Variants in RAP1GAP2 observed in about 807,000 individuals in gnomAD.
RAP1GAP2 encodes the protein rap1 GTPase-activating protein 2.
A neutral mutation model predicts 95.0 loss-of-function variants in RAP1GAP2; 27 were observed. That is an observed-to-expected ratio of 0.28 (90% CI 0.21 to 0.39). The LOEUF (loss-of-function observed/expected upper bound fraction) is 0.39. RAP1GAP2 is among the 10% of genes least tolerant of loss of function. The pLI is 1.00. For missense variants in RAP1GAP2, 771 were observed against 970.0 expected, an observed-to-expected ratio of 0.79 and a Z score of 2.72; for synonymous variants, 373 against 380.9, an observed-to-expected ratio of 0.98 and a Z score of 0.24.
chr17:2,907,541 A>G (rs1414817634), intron 3 of RAP1GAP2, among the ~76,000 whole-genome samples: 1 of 151,978 alleles, frequency 6.6e-6, no homozygotes, highest in Non-Finnish European at 1.5e-5. Flanking sequence ...AGCATAGCTC[A>G]GGGGGAACGT....
At chr17:2,768,664 G>A (rs2068322627) in intron 1 of RAP1GAP2, among the ~76,000 whole-genome samples, 1 of 145,526 alleles carries the variant, frequency 6.9e-6, no homozygotes, top group Non-Finnish European at 1.5e-5. Context: ...TGCACTCTAG[G>A]CTGGGCAACA....
chr17:2,789,288 T>C (rs1441363899), intron 1 of RAP1GAP2, among the ~76,000 whole-genome samples: 1 of 152,152 alleles, frequency 6.6e-6, no homozygotes, highest in Admixed American at 6.5e-5. Context: ...GCTCAGGTGA[T>C]CCACCCGCCT....
At chr17:2,762,021 C>T (rs565286183) in intron 1 of RAP1GAP2, among the ~76,000 whole-genome samples, 37 of 110,522 alleles carry the variant, frequency 3.3e-4, no homozygotes, top group Non-Finnish European at 4.2e-4. Context: ...CGGAGTCTTG[C>T]TCTGTTGCCC....
chr17:3,007,901 C>A (rs1042966587), intron 16 of RAP1GAP2, 110 bp from the exon 17 acceptor site: 1 of 1,334,038 alleles, frequency 7.5e-7, no homozygotes, highest in Non-Finnish European at 1.0e-6. Context: ...GTTGCTGGGC[C>A]GGGCTGGGCA....
At chr17:2,922,398 T>C (rs1376042352) in intron 3 of RAP1GAP2, among the ~76,000 whole-genome samples, 1 of 152,136 alleles carries the variant, frequency 6.6e-6, no homozygotes, top group Non-Finnish European at 1.5e-5. Flanking sequence ...CCGAATAAGG[T>C]TACACACTCA....
intron 1 of RAP1GAP2, among the ~76,000 whole-genome samples, chr17:2,769,203 G>T (rs535722348): frequency 2.4e-5 from 3 of 126,180 alleles, no homozygotes; most frequent in Admixed American, 9.9e-5. Flanking sequence ...CTGCACTCTA[G>T]CCTGGATGAG....
chr17:2,819,795 C>A (rs1484093645), intron 2 of RAP1GAP2, among the ~76,000 whole-genome samples: 1 of 138,218 alleles, frequency 7.2e-6, no homozygotes, highest in East Asian at 2.1e-4. Context: ...TCTCTTTCTC[C>A]TTTTTTTTTT....
intron 1 of RAP1GAP2, among the ~76,000 whole-genome samples, chr17:2,784,615 C>T (rs1009847237): frequency 6.6e-6 from 1 of 152,210 alleles, no homozygotes; most frequent in African/African-American, 2.4e-5. Flanking sequence ...GCTCACTGAT[C>T]CCCTGGCCAC....
chr17:2,923,581 G>T (rs1251610835), intron 3 of RAP1GAP2, among the ~76,000 whole-genome samples: 1 of 151,850 alleles, frequency 6.6e-6, no homozygotes, highest in Non-Finnish European at 1.5e-5. Context: ...TGATCCACCT[G>T]CCTCAGCCTC....
At chr17:2,936,422 A>G (rs1160970880) in intron 3 of RAP1GAP2, among the ~76,000 whole-genome samples, 1 of 151,476 alleles carries the variant, frequency 6.6e-6, no homozygotes, top group Non-Finnish European at 1.5e-5. Context: ...TCCGCCAGCC[A>G]GATTCTCCTT....
intron 3 of RAP1GAP2, among the ~76,000 whole-genome samples, chr17:2,918,899 A>G (rs950041813): frequency 3.3e-5 from 5 of 152,200 alleles, no homozygotes; most frequent in African/African-American, 7.2e-5. Context: ...AAACAGAGGT[A>G]TGCAGTAAGT....
chr17:2,798,987 C>T (rs1489853781), intron 1 of RAP1GAP2, among the ~76,000 whole-genome samples: 2 of 152,242 alleles, frequency 1.3e-5, no homozygotes, highest in Non-Finnish European at 2.9e-5. Context: ...GGGACACTTC[C>T]TCTCTCTGGG....
At chr17:2,972,598 C>CA (rs35539479) in intron 8 of RAP1GAP2, among the ~76,000 whole-genome samples, 47,588 of 85,666 alleles carry the variant, frequency 0.56, 13,986 homozygotes, top group Non-Finnish European at 0.66. Flanking sequence ...AAGTCCTTCT[C>CA]AAAAAAAAAA....
upstream of RAP1GAP2, among the ~76,000 whole-genome samples, chr17:2,794,499 A>AC (rs757977755): frequency 6.6e-5 from 10 of 152,042 alleles, no homozygotes; most frequent in Admixed American, 3.9e-4. Context: ...GCCTGAAGCC[A>AC]CCCCAGAGCA....
upstream of RAP1GAP2, among the ~76,000 whole-genome samples, chr17:2,794,123 C>T (rs1435749797): frequency 6.6e-6 from 1 of 151,954 alleles, no homozygotes; most frequent in African/African-American, 2.4e-5. Flanking sequence ...GATCTTTCTC[C>T]TCTTTCCCTT....
chr17:2,905,656 G>A (rs1203579675), intron 3 of RAP1GAP2, among the ~76,000 whole-genome samples: 1 of 152,202 alleles, frequency 6.6e-6, no homozygotes, highest in African/African-American at 2.4e-5. Flanking sequence ...CCAGCCAGGA[G>A]GAAGCCGGGG....
At chr17:3,026,606 C>T (rs1342735024) in intron 21 of RAP1GAP2, 142 bp downstream of exon 21, 16 of 797,082 alleles carry the variant, frequency 2.0e-5, no homozygotes, top group South Asian at 5.5e-5. Flanking sequence ...GAGGTGGGCT[C>T]GTTGGCCATC....
rs1160259554 is a variant in RAP1GAP2, at chr17:2,950,416, G to T, written c.166-7343G>T. 5.3e-5 allele frequency among the ~76,000 whole-genome samples: 8 copies of T among 151,948 alleles called. No individual in the cohort carries two copies. In the East Asian group the frequency reaches 1.5e-3, roughly 29 times the overall value. On this transcript the variant is annotated intron_variant, in intron 3 of 24. Coordinates refer to ENST00000254695, the MANE Select transcript of RAP1GAP2 (RefSeq NM_015085.5). ...GGAAGACCAATGAAATCGAGAAAAAGTATCTTGAAGCTGCTAGCCCACCTC... is the reference window on the plus strand; with the variant it reads ...GGAAGACCAATGAAATCGAGAAAAATTATCTTGAAGCTGCTAGCCCACCTC...
intron 2 of RAP1GAP2, among the ~76,000 whole-genome samples, chr17:2,869,125 C>T (rs1019143114): frequency 3.3e-5 from 5 of 152,148 alleles, no homozygotes; most frequent in Admixed American, 2.6e-4. Flanking sequence ...CCCAAAGGCC[C>T]CTCTTCCTCA....
Sources: allele counts gnomAD v4.1 joint callset (sites outside exome capture counted in the v4.1 genomes callset), GRCh38; gene constraint gnomAD v4.1.1; transcripts MANE v1.5; gene names NCBI Gene and HGNC (gene_info 2026-07-23, HGNC 2026-07-21).